The following PEAR1 variants were observed in gnomAD, a reference collection of about 807,000 sequenced individuals.
PEAR1 encodes the protein platelet endothelial aggregation receptor 1.
In PEAR1, 113 loss-of-function variants were observed where a neutral mutation model predicts 131.2. The ratio of observed to expected loss-of-function variants is 0.86; its 90% CI spans 0.74 to 1.01. The LOEUF (loss-of-function observed/expected upper bound fraction) is 1.01, where lower values mean the gene tolerates loss of function less well. Ranked by LOEUF, PEAR1 falls within the 50% of genes least tolerant of loss-of-function variation. PEAR1 has a pLI of 0.00. For synonymous variants in PEAR1, 565 were observed against 523.3 expected (o/e 1.08, Z -1.09); for missense variants, 1,408 against 1,391.1 (o/e 1.01, Z -0.19).
At chr1:156,903,732 G>T (rs992818502) in intron 1 of PEAR1, among the ~76,000 whole-genome samples, 186 bp from the exon 2 acceptor site, 4 of 152,184 alleles carry the variant, frequency 2.6e-5, no homozygotes, top group African/African-American at 9.7e-5. Context: ...GCAAAGACCG[G>T]AGGCGTGGAA....
rs1014818542 is a variant in PEAR1 at position 156,915,093 on chromosome 1, G to A, written c.*295G>A. ...TGGGTAACTCTGATTTCAGACATGC[G>A]TGTGGGGTACCTTTTCTGTGCATGC... On this transcript the variant is annotated 3_prime_UTR_variant, in exon 23 of 23. Transcript: ENST00000292357. 2.2e-5 allele frequency: 8 copies of A among 356,390 alleles called. No homozygotes were observed. Among genetic ancestry groups the A allele is most frequent in the Admixed American group, 9.5e-5 (2 of 21,076 alleles). 22.1% of individuals were successfully genotyped at this position (356,390 alleles called of 1,614,324 possible). A position where few individuals can be genotyped will look rare whatever the true frequency, so the allele number is the denominator to read the frequency against.
In PEAR1 at chr1:156,913,527, G is replaced by C. The variant is rs1383218292; in HGVS notation, c.2644+4G>C. On this transcript the variant is annotated splice_donor_region_variant and intron_variant, in intron 20 of 22. Coordinates refer to ENST00000292357, the MANE Select transcript of PEAR1 (RefSeq NM_001080471.3). Reference sequence around the variant, plus strand: ...CCTCCAGGGCCTCTGGACAGGGGTAGGTGCCGGGAGGCCAGGGTCTCTGGC... The same window carrying C: ...CCTCCAGGGCCTCTGGACAGGGGTACGTGCCGGGAGGCCAGGGTCTCTGGC... The C allele has an allele frequency of 6.2e-7, 1 of 1,611,948 alleles. No individual in the cohort carries two copies.
chr1:156,910,441 C>T (rs1650926707), intron 14 of PEAR1, 61 bp downstream of exon 14: 4 of 1,546,444 alleles, frequency 2.6e-6, no homozygotes, highest in Non-Finnish European at 2.6e-6. Context: ...GTGTCAGCTG[C>T]CAGAGCACCC....
Position 156,913,977 on chromosome 1 carries a change from A to G in PEAR1, c.2839A>G (p.Lys947Glu). 6.2e-7 allele frequency: 1 copy of G among 1,613,888 alleles called. No homozygotes were observed. ...CCGGGAGAGCAGCTACATGGAGATG[A>G]AAGGCCCTCCCTCAGGATCTCCCCC... Reference protein sequence around the residue: ...GPRESSYMEMKGPPSGSPPRQ... With the variant: ...GPRESSYMEMEGPPSGSPPRQ... The change falls in exon 22 of 23, where the codon AAA (lysine) becomes GAA (glutamate). Residue 947 changes from lysine (K) to glutamate (E), a missense_variant. Physicochemically the swap from Lys to Glu is moderately conservative, Grantham distance 56. Transcript: ENST00000292357.
In PEAR1 at chr1:156,910,069, C is replaced by G; in HGVS notation, c.1639C>G (p.Pro547Ala). 1 of 1,614,142 alleles carries G rather than the reference C, an allele frequency of 6.2e-7. No individual in the cohort carries two copies. Among genetic ancestry groups the G allele is most frequent in the Non-Finnish European group, 8.5e-7 (1 of 1,180,024 alleles). ...CTGTGACCACTCTGATGGCTGTGAC[C>G]CTGTTCATGGACGCTGTCAGTGCCA... ...CDCDHSDGCD[P>A]VHGRCQCQAG... Residue 547 changes from proline (P) to alanine (A), a missense_variant, in exon 13 of 23, where the codon CCT (proline) becomes GCT (alanine). By Grantham distance (27) the Pro-to-Ala change is conservative (BLOSUM62 -1). Transcript: ENST00000292357.
Position 156,912,752 on chromosome 1 carries a change from G to A in PEAR1, c.2210-18G>A. 6.2e-7 allele frequency: 1 copy of A among 1,613,924 alleles called. No homozygotes were observed. ...AGAGCCAAGATGCCATTCTGAGTGAGCACCCCATTCCACACAGGAATCCAG... is the reference window on the plus strand; with the variant it reads ...AGAGCCAAGATGCCATTCTGAGTGAACACCCCATTCCACACAGGAATCCAG... On this transcript the variant is annotated intron_variant, in intron 17 of 22. Transcript: ENST00000292357.
intron 15 of PEAR1, among the ~76,000 whole-genome samples, chr1:156,911,212 CTTTCT>C (rs1156982990): frequency 1.2e-5 from 1 of 83,242 alleles, no homozygotes; most frequent in African/African-American, 5.1e-5. Flanking sequence ...TTCTTTCTTT[CTTTCT>C]TTCCTTTCTT....
chr1:156,908,980 C>T lies in PEAR1; in HGVS notation c.1355C>T (p.Ser452Leu). The change falls in exon 11 of 23, where the codon TCA (serine) becomes TTA (leucine). Residue 452 changes from serine (S) to leucine (L), a missense_variant. Transcript: ENST00000292357. This position sits in a 1 kb window ranked among gnomAD's most constrained non-coding sequence, Gnocchi z 4.2. ...TYGVNCSARC[S>L]CENAIACSPI... ...GGTGTCAACTGTTCTGCACGCTGCT[C>T]ATGTGAAAATGCCATCGCCTGCTCA... 1 of 1,614,048 alleles carries T rather than the reference C, an allele frequency of 6.2e-7. No individual in the cohort carries two copies. Among genetic ancestry groups the T allele is most frequent in the Non-Finnish European group, 8.5e-7 (1 of 1,179,958 alleles).
chr1:156,895,278 G>A (rs897214413), intron 1 of PEAR1, among the ~76,000 whole-genome samples: 45 of 152,344 alleles, frequency 3.0e-4, no homozygotes, highest in African/African-American at 9.4e-4. Flanking sequence ...TCCACCAGTC[G>A]GAAACCTGGA....
At position 156,910,604 on chromosome 1, in the gene PEAR1, C is replaced by T. The variant is rs377077316; in HGVS notation, c.1826-14C>T. The T allele has an allele frequency of 3.4e-4, 556 of 1,613,280 alleles. No individual in the cohort carries two copies. The highest frequency in any genetic ancestry group is 6.6e-4 in the Middle Eastern group (4 of 6,058). Reference sequence around the variant, plus strand: ...GGCCTCTGCCCCCAATCACCATGTACCCCTTTCCCCCAGCCTGTCAGCCTG... The same window carrying T: ...GGCCTCTGCCCCCAATCACCATGTATCCCTTTCCCCCAGCCTGTCAGCCTG... On this transcript the variant is annotated splice_polypyrimidine_tract_variant and intron_variant, in intron 14 of 22. Transcript: ENST00000292357.
chr1:156,907,920 C>T lies in PEAR1; in HGVS notation c.771C>T (p.Thr257=), dbSNP rs1428402167. The T allele has an allele frequency of 6.3e-7, 1 of 1,595,338 alleles. No individual in the cohort carries two copies. The highest frequency in any genetic ancestry group is 1.3e-5 in the African/African-American group (1 of 74,490). Residue 257 remains threonine (T), a synonymous_variant, in exon 8 of 23, where the codon ACC becomes ACT. Coordinates refer to ENST00000292357, the MANE Select transcript of PEAR1 (RefSeq NM_001080471.3). The part of the protein sequence containing the change: ...SCSCPPGWMG[T]ICSLPCPEGF... ...TTGACCTCTTATCCCCACAGGGCACCATCTGCTCCCTGCCCTGCCCAGAGG... is the reference window on the plus strand; with the variant it reads ...TTGACCTCTTATCCCCACAGGGCACTATCTGCTCCCTGCCCTGCCCAGAGG...
At chr1:156,901,824 C>T (rs1055951034) in intron 1 of PEAR1, among the ~76,000 whole-genome samples, 6 of 150,458 alleles carry the variant, frequency 4.0e-5, no homozygotes, top group Admixed American at 6.6e-5. Flanking sequence ...CTAGGCAGAG[C>T]GATCCCTGGA....
At chr1:156,905,093 C>A (rs1169763186) in intron 3 of PEAR1, 56 of 1,285,238 alleles carry the variant, frequency 4.4e-5, no homozygotes, top group Non-Finnish European at 3.7e-5. Flanking sequence ...GGGGGGGGGG[C>A]AAGAAGGGAA....
chr1:156,909,185 G>A (rs115963720), intron 11 of PEAR1, 149 bp downstream of exon 11: 1 of 1,093,330 alleles, frequency 9.1e-7, no homozygotes, highest in African/African-American at 1.6e-5. Context: ...AAGTATCCAG[G>A]CTACTTTCTT....
intron 16 of PEAR1, 29 bp from the exon 17 acceptor site, chr1:156,912,465 C>T: frequency 6.2e-7 from 1 of 1,606,086 alleles, no homozygotes; most frequent in Non-Finnish European, 8.5e-7. Flanking sequence ...GGCTCTGATG[C>T]CGGCCTGCCT....
At position 156,913,859 on chromosome 1, in the gene PEAR1, C is replaced by G; in HGVS notation, c.2721C>G (p.Ile907Met). 1 of 1,613,142 alleles carries G rather than the reference C, an allele frequency of 6.2e-7. No homozygotes were observed. Among genetic ancestry groups the G allele is most frequent in the Non-Finnish European group, 8.5e-7 (1 of 1,179,498 alleles). ...TCTTTCCTCTATCCTTAGGGCTCAT[C>G]TCTGAAGAGGAGCTCGGGGCCAGTG... ...GPGPFYNKGL[I>M]SEEELGASVA... Residue 907 changes from isoleucine (I) to methionine (M), a missense_variant, in exon 22 of 23, where the codon ATC (isoleucine) becomes ATG (methionine). By Grantham distance (10) the Ile-to-Met change is conservative. Transcript: ENST00000292357.
chr1:156,904,625 A>G (rs1650027280), intron 2 of PEAR1, 123 bp from the exon 3 acceptor site: 5 of 984,898 alleles, frequency 5.1e-6, no homozygotes, highest in Non-Finnish European at 7.6e-6. Context: ...CTAGGCTACG[A>G]GAGCAGCCCC....
intron 1 of PEAR1, 115 bp from the exon 2 acceptor site, chr1:156,903,803 A>G: frequency 1.3e-6 from 1 of 795,990 alleles, no homozygotes; most frequent in East Asian, 2.5e-5. Context: ...GGGCCAGAGG[A>G]CACGGGGCCG....
chr1:156,904,435 G>A (rs1464008316), intron 2 of PEAR1, among the ~76,000 whole-genome samples: 3 of 152,230 alleles, frequency 2.0e-5, no homozygotes, highest in African/African-American at 7.2e-5. Context: ...CGCCAGCTGG[G>A]CCCAGGAGTC....
Sources: allele counts gnomAD v4.1 joint callset (sites outside exome capture counted in the v4.1 genomes callset), GRCh38; gene constraint gnomAD v4.1.1; non-coding constraint Gnocchi (gnomAD v3.1); transcripts MANE v1.5; gene names NCBI Gene and HGNC (gene_info 2026-07-23, HGNC 2026-07-21).